The following MEGF11 variants were observed in gnomAD, a reference collection of about 807,000 sequenced individuals.
MEGF11 encodes multiple EGF like domains 11, also known as multiple epidermal growth factor-like domains protein 11.
MEGF11 carries 126 observed loss-of-function variants against 146.6 expected under a neutral mutation model. That is an observed-to-expected ratio of 0.86 (90% CI 0.74 to 1.00). MEGF11 has a LOEUF of 1.00. Ranked by LOEUF, MEGF11 falls within the 50% of genes least tolerant of loss-of-function variation. MEGF11 has a pLI of 0.00. For synonymous variants in MEGF11, 532 were observed against 583.4 expected (o/e 0.91, Z 1.27); for missense variants, 1,509 against 1,521.2 (o/e 0.99, Z 0.13).
At chr15:66,198,580 G>T (rs1339567507) in intron 1 of MEGF11, among the ~76,000 whole-genome samples, 1 of 152,170 alleles carries the variant, frequency 6.6e-6, no homozygotes, top group Non-Finnish European at 1.5e-5. Context: ...CTGTCTCCTG[G>T]GTTCAAGTGA....
chr15:66,065,912 G>C (rs746282887), intron 5 of MEGF11, among the ~76,000 whole-genome samples: 30 of 152,194 alleles, frequency 2.0e-4, no homozygotes, highest in Non-Finnish European at 4.1e-4. Context: ...GCACAGAGGG[G>C]CTGGGGCCTG....
intron 10 of MEGF11, among the ~76,000 whole-genome samples, chr15:65,932,697 C>T (rs1379972813): frequency 5.9e-5 from 9 of 151,956 alleles, no homozygotes; most frequent in South Asian, 2.1e-4. Context: ...AGGCTTTCTT[C>T]CCTGAGTCCC....
chr15:65,909,763 G>A lies in MEGF11; in HGVS notation c.2873C>T (p.Pro958Leu). ...ACCTAACACGTTCACATAGCTGTAG[G>A]GGGTCCAGCCTGCTGTGTCTCTGTC... is the stretch of plus-strand genomic sequence containing the variant. ...SLDRDTAGWT[P>L]YSYVNVLDSH... Residue 958 changes from proline (P) to leucine (L), a missense_variant, in exon 22 of 26, where the codon CCC becomes CTC. By Grantham distance (98) the Pro-to-Leu change is moderately conservative. Transcript: ENST00000395614. 6.3e-7 allele frequency: 1 copy of A among 1,584,988 alleles called. No homozygotes were observed. Among genetic ancestry groups the A allele is most frequent in the Non-Finnish European group, 8.5e-7 (1 of 1,173,310 alleles).
rs867173566 is a variant in MEGF11 at position 65,929,796 on chromosome 15, G to T, written c.1496C>A (p.Ala499Glu). ...CNESCTCANG[A>E]ACSPIDGSCS... ...GGAGCCGTCTATGGGGCTGCAGGCT[G>T]CCCCATTGGCACAGGTGCAGCTCTC... Residue 499 changes from alanine (A) to glutamate (E), a missense_variant, in exon 12 of 26, where the codon GCA (alanine) becomes GAA (glutamate). Transcript: ENST00000395614. 1 of 1,567,940 alleles carries T rather than the reference G, an allele frequency of 6.4e-7. No individual in the cohort carries two copies. The highest frequency in any genetic ancestry group is 1.9e-5 in the Admixed American group (1 of 53,124).
In MEGF11 at chr15:66,094,460, G is replaced by T; in HGVS notation, c.336C>A (p.Cys112Ter). The change falls in exon 5 of 26, where the codon TGC (cysteine) becomes TGA (stop). Residue 112 changes from cysteine (C) to a stop codon, truncating the protein, a stop_gained. Transcript: ENST00000395614. LOFTEE classifies it high-confidence loss of function. ...CGCAGTGGCAGGTGTCCGGGGAAAC[G>T]CAGCGGCCGTGCACACACTCCTCCG... ...LCTEECVHGR[C>*]VSPDTCHCEP... 6.4e-7 allele frequency: 1 copy of T among 1,560,346 alleles called. No individual in the cohort carries two copies. Among genetic ancestry groups the T allele is most frequent in the Non-Finnish European group, 8.7e-7 (1 of 1,152,060 alleles).
chr15:66,047,848 C>T (rs2084276602), intron 5 of MEGF11, among the ~76,000 whole-genome samples: 2 of 152,208 alleles, frequency 1.3e-5, no homozygotes, highest in South Asian at 2.1e-4. Context: ...TACATGCCCT[C>T]CCGTGGGGCA....
At chr15:66,155,090 A>G (rs889595481) in intron 1 of MEGF11, among the ~76,000 whole-genome samples, 4 of 152,198 alleles carry the variant, frequency 2.6e-5, no homozygotes, top group African/African-American at 9.7e-5. Context: ...CAAATGTGGA[A>G]ACTGAGGCTG....
At chr15:66,156,646 G>A (rs1043653417) in intron 1 of MEGF11, among the ~76,000 whole-genome samples, 1 of 152,034 alleles carries the variant, frequency 6.6e-6, no homozygotes, top group African/African-American at 2.4e-5. Context: ...CTGTGGCTGT[G>A]CACCCTGTCC....
intron 10 of MEGF11, among the ~76,000 whole-genome samples, chr15:65,950,405 C>CA (rs2080356308): frequency 6.6e-6 from 1 of 152,030 alleles, no homozygotes; most frequent in African/African-American, 2.4e-5. Flanking sequence ...GGCAACATGG[C>CA]AAAACCCCAT....
chr15:65,951,942 C>T (rs1330579777), intron 10 of MEGF11, among the ~76,000 whole-genome samples: 2 of 151,854 alleles, frequency 1.3e-5, no homozygotes, highest in Non-Finnish European at 2.9e-5. Context: ...TTTGAGGTTA[C>T]AGTGAGCTAT....
At chr15:66,216,237 G>T (rs1330183824) in intron 1 of MEGF11, among the ~76,000 whole-genome samples, 1 of 152,178 alleles carries the variant, frequency 6.6e-6, no homozygotes, top group African/African-American at 2.4e-5. Flanking sequence ...GTCTTTGGGG[G>T]AAGGATTCCA....
chr15:65,966,645 T>G lies in MEGF11; in HGVS notation c.900-1525A>C, dbSNP rs758964703. ...AAGAAGGTCCCCTCAAGGTAGGGTC[T>G]GAGTCTCTCCCATCAGCCTGTGAGC... is the stretch of plus-strand genomic sequence containing the variant. On this transcript the variant is annotated intron_variant, in intron 8 of 25. Transcript: ENST00000395614. Among the ~76,000 whole-genome samples the G allele has an allele frequency of 5.7e-4, 86 of 152,174 alleles. 1 individual carries two copies. Among genetic ancestry groups the G allele is most frequent in the Non-Finnish European group, 8.4e-4 (57 of 68,026 alleles).
chr15:66,153,842 T>C (rs982509140), intron 1 of MEGF11, among the ~76,000 whole-genome samples: 1 of 152,150 alleles, frequency 6.6e-6, no homozygotes, highest in Non-Finnish European at 1.5e-5. Context: ...TCAGTCATCT[T>C]ACCTGGCAGG....
intron 3 of MEGF11, 35 bp downstream of exon 3, chr15:66,123,863 CT>C: frequency 1.3e-6 from 2 of 1,571,784 alleles, no homozygotes; most frequent in Non-Finnish European, 1.8e-6. Flanking sequence ...AGCCCAGTGC[CT>C]TTTCCCTGCC....
chr15:66,171,082 C>A (rs750381499), intron 1 of MEGF11, among the ~76,000 whole-genome samples: 1 of 152,220 alleles, frequency 6.6e-6, no homozygotes, highest in Non-Finnish European at 1.5e-5. Flanking sequence ...GGTCCTGGAG[C>A]CTTGTCTCAA....
Position 65,897,547 on chromosome 15 carries a change from A to G in MEGF11, c.*387T>C, listed in dbSNP as rs1333977862. On this transcript the variant is annotated 3_prime_UTR_variant, in exon 26 of 26. Coordinates refer to ENST00000395614, the MANE Select transcript of MEGF11 (RefSeq NM_001385028.1). ...TATACGTTTCAGGTGCTTTAAAGTA[A>G]TCCTCTTCCCTCCCCAGTCTCCTTT... is the stretch of plus-strand genomic sequence containing the variant. The G allele has an allele frequency of 1.3e-5, 2 of 154,252 alleles. No individual in the cohort carries two copies. Among genetic ancestry groups the G allele is most frequent in the African/African-American group, 4.8e-5 (2 of 41,472 alleles). 9.6% of individuals were successfully genotyped at this position (154,252 alleles called of 1,614,324 possible).
intron 1 of MEGF11, among the ~76,000 whole-genome samples, chr15:66,212,255 T>C (rs74019521): frequency 6.6e-6 from 1 of 151,968 alleles, no homozygotes; most frequent in Non-Finnish European, 1.5e-5. Context: ...CCCAAAGGGA[T>C]GGCGGACCCC....
rs570448869 is a variant in MEGF11 at position 65,921,065 on chromosome 15, T to C, written c.1957+1273A>G. On this transcript the variant is annotated intron_variant, in intron 15 of 25. Coordinates refer to ENST00000395614, the MANE Select transcript of MEGF11 (RefSeq NM_001385028.1). ...CATATGTTTCTCTGGGGCTCAAACT[T>C]CTCATGACCTCAAAGCATCATGTAG... Among the ~76,000 whole-genome samples, 3 of 152,298 alleles carry C rather than the reference T, an allele frequency of 2.0e-5. No individual in the cohort carries two copies. In the South Asian group the frequency reaches 6.2e-4, roughly 32 times the overall value.
At position 65,922,854 on chromosome 15, in the gene MEGF11, G is replaced by A. The variant is rs1223474762; in HGVS notation, c.1791C>T (p.Ala597=). The change falls in exon 14 of 26, where the codon GCC becomes GCT. Residue 597 remains alanine, a synonymous_variant. Coordinates refer to ENST00000395614, the MANE Select transcript of MEGF11 (RefSeq NM_001385028.1). The part of the protein sequence containing the change: ...CSPEDGSCEC[A]PGFRGPLCQR... ...GGCATAAGGGTCCTCGGAAGCCAGG[G>A]GCACACTCGCAGCTCCCATCCTCTG... The A allele has an allele frequency of 2.5e-6, 4 of 1,613,770 alleles. No individual in the cohort carries two copies. Among genetic ancestry groups the A allele is most frequent in the African/African-American group, 1.3e-5 (1 of 75,042 alleles).
Sources: allele counts gnomAD v4.1 joint callset (sites outside exome capture counted in the v4.1 genomes callset), GRCh38; gene constraint gnomAD v4.1.1; transcripts MANE v1.5; gene names NCBI Gene and HGNC (gene_info 2026-07-23, HGNC 2026-07-21).